ZBTB38: variants seen among roughly 807,000 people sequenced by gnomAD.
ZBTB38 encodes the protein zinc finger and BTB domain-containing protein 38.
In ZBTB38, 20 loss-of-function variants were observed where a neutral mutation model predicts 76.8. The ratio of observed to expected loss-of-function variants is 0.26; its 90% CI spans 0.18 to 0.38. The LOEUF is 0.38. Among genes scored for constraint, ZBTB38 ranks in the 10% least tolerant of loss-of-function variants. ZBTB38 has a pLI of 1.00. For missense variants in ZBTB38, 1,082 were observed against 1,482.3 expected (o/e 0.73, Z 4.43); for synonymous variants, 504 against 544.2 (o/e 0.93, Z 1.03).
In ZBTB38 at chr3:141,447,046, C is replaced by T. The variant is rs1231867319; in HGVS notation, c.*1070C>T. 2 of 152,594 alleles carry T rather than the reference C, an allele frequency of 1.3e-5. No homozygotes were observed. Among genetic ancestry groups the T allele is most frequent in the Non-Finnish European group, 2.9e-5 (2 of 68,070 alleles). 9.5% of individuals were successfully genotyped at this position (152,594 alleles called of 1,614,324 possible). ...GAAGGACTGTCCAAGAGATTTAGTG[C>T]AAGGTACACTGCAGTAGTGAATTCC... On this transcript the variant is annotated 3_prime_UTR_variant, in exon 6 of 6. Coordinates refer to ENST00000321464, the MANE Select transcript of ZBTB38 (RefSeq NM_001376113.1).
chr3:141,335,266 T>C (rs894656899), intron 1 of ZBTB38, among the ~76,000 whole-genome samples: 28 of 152,362 alleles, frequency 1.8e-4, no homozygotes, highest in Admixed American at 1.6e-3. Context: ...AATGACTTAA[T>C]ATTTGTAGTG....
At chr3:141,352,728 G>A (rs1943554615) in intron 1 of ZBTB38, among the ~76,000 whole-genome samples, 1 of 152,056 alleles carries the variant, frequency 6.6e-6, no homozygotes, top group Non-Finnish European at 1.5e-5. Context: ...TCTAGGCAGA[G>A]TAGAGAGTGA....
In ZBTB38 at chr3:141,413,137, G is replaced by A. The variant is rs901869183; in HGVS notation, c.-1+9106G>A. On this transcript the variant is annotated intron_variant, in intron 5 of 5. Transcript: ENST00000321464. The surrounding 1 kb of genome is among the most constrained non-coding windows in gnomAD (Gnocchi z 4.1). ...ATGTTTGTGCAGGGAAAGTGTGTAC[G>A]TGGACTTAAATAAATATCTGAGGGC... Among the ~76,000 whole-genome samples the A allele has an allele frequency of 3.3e-5, 5 of 152,224 alleles. No homozygotes were observed. Among genetic ancestry groups the A allele is most frequent in the Admixed American group, 2.0e-4 (3 of 15,282 alleles).
intron 1 of ZBTB38, among the ~76,000 whole-genome samples, chr3:141,359,949 A>T (rs1336679857): frequency 1.3e-5 from 2 of 152,054 alleles, no homozygotes; most frequent in African/African-American, 4.8e-5. Flanking sequence ...AAACAACAAA[A>T]TTTTTTTGAG....
intron 1 of ZBTB38, among the ~76,000 whole-genome samples, chr3:141,348,679 G>A (rs979572282): frequency 1.3e-5 from 2 of 152,228 alleles, no homozygotes; most frequent in Admixed American, 1.3e-4. Context: ...GCACATAAAC[G>A]AGCTAGGATT....
intron 4 of ZBTB38, among the ~76,000 whole-genome samples, chr3:141,393,681 A>G (rs893095768): frequency 6.6e-6 from 1 of 152,140 alleles, no homozygotes; most frequent in Non-Finnish European, 1.5e-5. Context: ...GGAACAAAGG[A>G]AGCAGTCAGG....
At chr3:141,374,701 G>A (rs1945110991) in intron 2 of ZBTB38, among the ~76,000 whole-genome samples, 1 of 152,056 alleles carries the variant, frequency 6.6e-6, no homozygotes, top group African/African-American at 2.4e-5. Flanking sequence ...ACATTATGTT[G>A]TAAACATTTT....
chr3:141,423,756 T>A (rs945677466), intron 5 of ZBTB38, among the ~76,000 whole-genome samples: 3 of 152,222 alleles, frequency 2.0e-5, no homozygotes, highest in Non-Finnish European at 4.4e-5. Flanking sequence ...AAATTTTTAA[T>A]TATTTTTTAC....
chr3:141,417,304 G>T (rs2074285007), intron 5 of ZBTB38, among the ~76,000 whole-genome samples: 1 of 152,104 alleles, frequency 6.6e-6, no homozygotes, highest in Admixed American at 6.5e-5. Flanking sequence ...CTCCCTTTCA[G>T]CACTGAAGTC....
chr3:141,413,296 A>AC lies in ZBTB38; in HGVS notation c.-1+9269dup, dbSNP rs1233051030. On this transcript the variant is annotated intron_variant, in intron 5 of 5. Transcript: ENST00000321464. This position sits in a 1 kb window ranked among gnomAD's most constrained non-coding sequence, Gnocchi z 4.1. ...CCACCTTCCTGCAGGAGGTCCTCACACCCCAGACGGTCAGAATGCTCCCCA... is the reference window on the plus strand; with the variant it reads ...CCACCTTCCTGCAGGAGGTCCTCACACCCCCAGACGGTCAGAATGCTCCCCA... Among the ~76,000 whole-genome samples, 1 of 152,004 alleles carries AC rather than the reference A, an allele frequency of 6.6e-6. No individual in the cohort carries two copies. The highest frequency in any genetic ancestry group is 1.5e-5 in the Non-Finnish European group (1 of 67,978).
chr3:141,359,400 G>A (rs753653870), intron 1 of ZBTB38, among the ~76,000 whole-genome samples: 12 of 152,194 alleles, frequency 7.9e-5, no homozygotes, highest in Non-Finnish European at 1.2e-4. Flanking sequence ...TAGTTGCGAG[G>A]TAGGCTGAGC....
chr3:141,372,259 A>T (rs1944722341), intron 2 of ZBTB38, among the ~76,000 whole-genome samples: 1 of 152,210 alleles, frequency 6.6e-6, no homozygotes, highest in African/African-American at 2.4e-5. Flanking sequence ...CTGCAAAAAT[A>T]CTTCAGCCTC....
At position 141,443,713 on chromosome 3, in the gene ZBTB38, G is replaced by A. The variant is rs1169604083; in HGVS notation, c.1325G>A (p.Ser442Asn). ...ATTGGTGAATTTTCCAGTACCGGAAGTACTTTGCCAGACACGGACCACATG... is the reference window on the plus strand; with the variant it reads ...ATTGGTGAATTTTCCAGTACCGGAAATACTTTGCCAGACACGGACCACATG... ...NRIGEFSSTG[S>N]TLPDTDHMVK... The change falls in exon 6 of 6, where the codon AGT becomes AAT. Residue 442 changes from serine to asparagine, a missense_variant. Ser to Asn is a conservative substitution (Grantham distance 46). Around this residue, in one of 8 missense-constraint regions of ZBTB38, gnomAD observed 324 missense variants for 359.1 expected, o/e 0.90. Transcript: ENST00000321464. This position sits in a 1 kb window ranked among gnomAD's most constrained non-coding sequence, Gnocchi z 5.6. 1.9e-6 allele frequency: 3 copies of A among 1,614,058 alleles called. No homozygotes were observed. The highest frequency in any genetic ancestry group is 2.5e-6 in the Non-Finnish European group (3 of 1,180,052).
At chr3:141,351,411 C>T (rs1437703713) in intron 1 of ZBTB38, among the ~76,000 whole-genome samples, 1 of 152,028 alleles carries the variant, frequency 6.6e-6, no homozygotes, top group Non-Finnish European at 1.5e-5. Context: ...ATTATCAATA[C>T]TTTTCTTTAA....
chr3:141,372,403 C>A (rs1331062712), intron 2 of ZBTB38, among the ~76,000 whole-genome samples: 1 of 152,050 alleles, frequency 6.6e-6, no homozygotes, highest in Non-Finnish European at 1.5e-5. Context: ...AATCCCTGCA[C>A]TTTGGGAGGC....
At position 141,340,976 on chromosome 3, in the gene ZBTB38, A is replaced by AAG. The variant is rs1451517768; in HGVS notation, c.-739+16522_-739+16523dup. Among the ~76,000 whole-genome samples, 748 of 147,522 alleles carry AAG rather than the reference A, an allele frequency of 5.1e-3. 11 individuals are homozygous for AAG. Among genetic ancestry groups the AAG allele is most frequent in the African/African-American group, 0.018 (705 of 38,412 alleles). ...AAAGAAAGAAAGAAAGAAAGAAAGA[A>AAG]AGAAAGAAAGAAAGAGAAAGAAGAA... On this transcript the variant is annotated intron_variant, in intron 1 of 7. Transcript: ENST00000509842.
intron 4 of ZBTB38, chr3:141,389,271 C>T (rs1459121288): frequency 6.6e-6 from 1 of 152,218 alleles, no homozygotes; most frequent in South Asian, 2.1e-4. Context: ...ATAGCACTAT[C>T]GTAGAATTGA....
intron 1 of ZBTB38, among the ~76,000 whole-genome samples, chr3:141,344,042 A>G (rs1224509039): frequency 6.6e-6 from 1 of 152,228 alleles, no homozygotes; most frequent in East Asian, 1.9e-4. Context: ...TGGTTACCTT[A>G]GGAACCCAGG....
At position 141,445,133 on chromosome 3, in the gene ZBTB38, G is replaced by A. The variant is rs61732448; in HGVS notation, c.2745G>A (p.Pro915=). 7,644 of 1,614,052 alleles carry A rather than the reference G, an allele frequency of 4.7e-3. 155 individuals are homozygous for A. Among genetic ancestry groups the A allele is most frequent in the African/African-American group, 0.046 (3,433 of 74,986 alleles). The change falls in exon 6 of 6, where the codon CCG becomes CCA. Residue 915 remains proline (P), a synonymous_variant. Transcript: ENST00000321464. The surrounding 1 kb of genome is among the most constrained non-coding windows in gnomAD (Gnocchi z 6.5). ...DASDQDSTDK[P]WRPYYNYKPK... Reference sequence around the variant, plus strand: ...GTGACCAGGATTCCACTGACAAACCGTGGCGCCCTTACTACAACTACAAAC... The same window carrying A: ...GTGACCAGGATTCCACTGACAAACCATGGCGCCCTTACTACAACTACAAAC...
Sources: gnomAD v4.1 joint callset for allele counts (sites outside exome capture counted in the v4.1 genomes callset) on GRCh38, gnomAD v4.1.1 for gene constraint, gnomAD v4.1.1 regional missense constraint, Gnocchi (gnomAD v3.1) non-coding constraint, MANE v1.5 for transcripts, NCBI Gene and HGNC (gene_info 2026-07-23, HGNC 2026-07-21) for gene names.